Variants in CRYBG3 observed in about 807,000 individuals in gnomAD.
The protein encoded by CRYBG3 is crystallin beta-gamma domain containing 3.
Under a neutral mutation model 244.2 loss-of-function variants are expected in CRYBG3, and 127 were observed. That is an observed-to-expected ratio of 0.52 (90% CI 0.45 to 0.60). The LOEUF is 0.60. Ranked by LOEUF, CRYBG3 falls within the 20% of genes least tolerant of loss-of-function variation. CRYBG3 has a pLI of 0.00. For synonymous variants in CRYBG3, 1,132 were observed against 1,195.8 expected, an observed-to-expected ratio of 0.95 and a Z score of 1.10; for missense variants, 3,325 against 3,442.5, an observed-to-expected ratio of 0.97 and a Z score of 0.85.
chr3:97,849,041 C>T (rs1055533114), intron 2 of CRYBG3, among the ~76,000 whole-genome samples: 1 of 152,204 alleles, frequency 6.6e-6, no homozygotes, highest in Non-Finnish European at 1.5e-5. Flanking sequence ...TATGCCTGGA[C>T]TTAAATCCTA....
chr3:97,933,233 T>C (rs1398012227), intron 17 of CRYBG3: 2 of 400,718 alleles, frequency 5.0e-6, no homozygotes, highest in Non-Finnish European at 9.7e-6. Context: ...AAAAATGCCT[T>C]TATTCTTCCT....
intron 1 of CRYBG3, among the ~76,000 whole-genome samples, chr3:97,828,646 G>A (rs905660295): frequency 6.6e-6 from 1 of 151,380 alleles, no homozygotes; most frequent in Non-Finnish European, 1.5e-5. Flanking sequence ...GACCAACATA[G>A]TGAAATCCCA....
rs1576502254 is a variant in CRYBG3 at position 97,822,375 on chromosome 3, T to C, written c.149+20T>C. ...TGCCAGGTGGGAGTCGAGGAGGGGG[T>C]CGCGGGGGGGCCCTGCACATATTCG... is the stretch of plus-strand genomic sequence containing the variant. On this transcript the variant is annotated intron_variant, in intron 1 of 21. Coordinates refer to ENST00000389622, the MANE Select transcript of CRYBG3 (RefSeq NM_153605.4). The C allele has an allele frequency of 6.7e-7, 1 of 1,488,432 alleles. No homozygotes were observed. The highest frequency in any genetic ancestry group is 8.9e-7 in the Non-Finnish European group (1 of 1,122,136). The allele number at this position is 1,488,432 out of a possible 1,614,324, so 92.2% of individuals were successfully genotyped here.
chr3:97,939,990 A>T (rs2040207472), intron 19 of CRYBG3, among the ~76,000 whole-genome samples: 1 of 152,074 alleles, frequency 6.6e-6, no homozygotes, highest in South Asian at 2.1e-4. Flanking sequence ...TTCTCTTACC[A>T]TATGACCTAT....
Position 97,872,685 on chromosome 3 carries a change from G to A in CRYBG3, c.1491G>A (p.Gln497=), listed in dbSNP as rs74603660. 2.9e-3 allele frequency: 4,508 copies of A among 1,535,948 alleles called. 114 individuals are homozygous for A. The African/African-American group carries it at 0.054, about 18-fold the overall frequency. ...CTCACACCAATATCATTGCTCTTCAGAGACATGCTGTGACAGACACAGAAT... is the reference window on the plus strand; with the variant it reads ...CTCACACCAATATCATTGCTCTTCAAAGACATGCTGTGACAGACACAGAAT... ...AATHTNIIAL[Q]RHAVTDTEFV... is the part of the protein sequence containing the mutation. The change falls in exon 4 of 22, where the codon CAG becomes CAA. Residue 497 remains glutamine (Q), a synonymous_variant. Transcript: ENST00000389622.
At chr3:97,833,705 C>T (rs2038688765) in intron 1 of CRYBG3, among the ~76,000 whole-genome samples, 1 of 151,988 alleles carries the variant, frequency 6.6e-6, no homozygotes, top group Non-Finnish European at 1.5e-5. Flanking sequence ...TATCCCAGAA[C>T]TTCAAAGTAT....
chr3:97,910,615 G>T (rs567355877), intron 15 of CRYBG3, among the ~76,000 whole-genome samples: 2 of 152,146 alleles, frequency 1.3e-5, no homozygotes, highest in Non-Finnish European at 2.9e-5. Flanking sequence ...GTTCGCGCAC[G>T]GTGCACGCAC....
At chr3:97,864,794 G>C (rs1034709508) in intron 3 of CRYBG3, 147 bp downstream of exon 3, 23 of 622,348 alleles carry the variant, frequency 3.7e-5, no homozygotes, top group South Asian at 8.5e-5. Flanking sequence ...ATGATTCTCT[G>C]TACCATACAA....
At chr3:97,886,038 T>C (rs1452343138) in intron 7 of CRYBG3, among the ~76,000 whole-genome samples, 1 of 152,154 alleles carries the variant, frequency 6.6e-6, no homozygotes, top group East Asian at 1.9e-4. Flanking sequence ...AAGACTGTGA[T>C]GGAGTAAAGG....
chr3:97,852,769 AT>A (rs1325489180), intron 2 of CRYBG3, among the ~76,000 whole-genome samples: 1 of 152,044 alleles, frequency 6.6e-6, no homozygotes, highest in Non-Finnish European at 1.5e-5. Flanking sequence ...TTCCATAATG[AT>A]TGTACCAGTT....
At chr3:97,853,224 T>C (rs1463533752) in intron 2 of CRYBG3, among the ~76,000 whole-genome samples, 1 of 151,124 alleles carries the variant, frequency 6.6e-6, no homozygotes, top group Non-Finnish European at 1.5e-5. Flanking sequence ...TTGCATCCTT[T>C]TAGCTTAGCT....
Position 97,899,273 on chromosome 3 carries a change from G to C in CRYBG3, c.7971+10G>C. ...ACGGCCAATCCAACTGGTGAGTGAA[G>C]TATGAACATAGCCAGTGCTGCATCA... On this transcript the variant is annotated intron_variant, in intron 14 of 21. Coordinates refer to ENST00000389622, the MANE Select transcript of CRYBG3 (RefSeq NM_153605.4). 6.2e-7 allele frequency: 1 copy of C among 1,609,510 alleles called. No homozygotes were observed. The highest frequency in any genetic ancestry group is 8.5e-7 in the Non-Finnish European group (1 of 1,178,626).
intron 10 of CRYBG3, among the ~76,000 whole-genome samples, chr3:97,890,669 T>A (rs1325969386): frequency 1.3e-5 from 2 of 152,186 alleles, no homozygotes; most frequent in Non-Finnish European, 2.9e-5. Flanking sequence ...ATATATTGTT[T>A]CCCTAATATT....
At position 97,898,993 on chromosome 3, in the gene CRYBG3, T is replaced by C. The variant is rs1054463916; in HGVS notation, c.7812T>C (p.Ser2604=). ...ISDLEEIGFG[S]KTRSIHVKSG... ...ATTTGGAAGAAATTGGCTTTGGCAG[T>C]AAAACAAGATCCATTCATGTTAAAA... The change falls in exon 13 of 22, where the codon AGT becomes AGC. Residue 2604 remains serine (S), a synonymous_variant. Coordinates refer to ENST00000389622, the MANE Select transcript of CRYBG3 (RefSeq NM_153605.4). 1.9e-6 allele frequency: 3 copies of C among 1,612,820 alleles called. No homozygotes were observed. Among genetic ancestry groups the C allele is most frequent in the Middle Eastern group, 1.6e-4 (1 of 6,074 alleles).
chr3:97,889,728 C>T (rs1174178753), intron 10 of CRYBG3, among the ~76,000 whole-genome samples: 1 of 152,098 alleles, frequency 6.6e-6, no homozygotes. Context: ...GTGGAGATAT[C>T]TAGCGGGCAT....
intron 2 of CRYBG3, among the ~76,000 whole-genome samples, chr3:97,851,225 A>T (rs756067234): frequency 2.6e-5 from 4 of 152,190 alleles, no homozygotes; most frequent in Non-Finnish European, 5.9e-5. Flanking sequence ...CAAAATTGTG[A>T]ATTTCAAGTA....
At chr3:97,839,756 T>C (rs562087547) in intron 1 of CRYBG3, among the ~76,000 whole-genome samples, 252 of 83,586 alleles carry the variant, frequency 3.0e-3, no homozygotes, top group South Asian at 0.01. Flanking sequence ...CCCAGCCCCC[T>C]TTTTTTTTTT....
chr3:97,865,004 T>G (rs1014062660), intron 3 of CRYBG3, among the ~76,000 whole-genome samples: 1 of 152,170 alleles, frequency 6.6e-6, no homozygotes, highest in Non-Finnish European at 1.5e-5. Context: ...TGTCAATATC[T>G]TTGTTCTGTA....
chr3:97,929,317 T>C (rs2040073465), intron 17 of CRYBG3, among the ~76,000 whole-genome samples: 1 of 151,976 alleles, frequency 6.6e-6, no homozygotes, highest in Non-Finnish European at 1.5e-5. Context: ...CTGTGTCATC[T>C]TCAGTTTTAA....
Sources: gnomAD v4.1 joint callset for allele counts (sites outside exome capture counted in the v4.1 genomes callset) on GRCh38, gnomAD v4.1.1 for gene constraint, MANE v1.5 for transcripts, NCBI Gene and HGNC (gene_info 2026-07-23, HGNC 2026-07-21) for gene names.